Variants in FAM131C observed in about 807,000 individuals in gnomAD.
FAM131C encodes family with sequence similarity 131 member C, also known as protein FAM131C.
In FAM131C, 14 loss-of-function variants were observed where a neutral mutation model predicts 29.8. The observed-to-expected ratio is 0.47, with a 90% CI of 0.31 to 0.73. FAM131C has a LOEUF of 0.73. Ranked by LOEUF, FAM131C falls within the 30% of genes least tolerant of loss-of-function variation. The probability of loss-of-function intolerance (pLI) is 0.05; values close to 1 mark genes in which losing one functional copy is unlikely to be tolerated. For missense variants in FAM131C, 252 were observed against 383.8 expected (o/e 0.66, Z 2.87); for synonymous variants, 86 against 157.8 (o/e 0.54, Z 3.41).
At position 16,058,633 on chromosome 1, in the gene FAM131C, G is replaced by C. The variant is rs1359897503; in HGVS notation, c.647C>G (p.Pro216Arg). The C allele has an allele frequency of 6.3e-7, 1 of 1,593,550 alleles. No individual in the cohort carries two copies. Residue 216 changes from proline to arginine, a missense_variant, in exon 7 of 7, where the codon CCC (proline) becomes CGC (arginine). By Grantham distance (103) the Pro-to-Arg change is moderately radical (BLOSUM62 -2). Around this residue, in one of 6 missense-constraint regions of FAM131C, gnomAD observed 11 missense variants for 76.8 expected, o/e 0.14. Coordinates refer to ENST00000375662, the MANE Select transcript of FAM131C (RefSeq NM_182623.3). The stretch of plus-strand genomic sequence containing the variant: ...AGGTGAGGGACAGCTGTCAGGGGAG[G>C]GGCTGGGCGAGGAGAAGGCCTGAAG... ...DSLQAFSSPSPSPDSCPSPEE... is the reference protein window; with the variant it reads ...DSLQAFSSPSRSPDSCPSPEE...
chr1:16,069,364 T>G (rs1233980677), intron 1 of FAM131C, among the ~76,000 whole-genome samples: 2 of 152,322 alleles, frequency 1.3e-5, no homozygotes, highest in East Asian at 3.9e-4. Context: ...GTAGGACTGC[T>G]CAGGACTTGG....
At chr1:16,067,637 T>C (rs2023697818) in intron 1 of FAM131C, among the ~76,000 whole-genome samples, 1 of 152,198 alleles carries the variant, frequency 6.6e-6, no homozygotes, top group African/African-American at 2.4e-5. Flanking sequence ...CCAGAGCTTC[T>C]CCTCTGCATC....
At chr1:16,060,971 G>A (rs9442233) in intron 4 of FAM131C, among the ~76,000 whole-genome samples, 80,976 of 151,558 alleles carry the variant, frequency 0.53, 22,612 homozygotes, top group African/African-American at 0.63. Flanking sequence ...CGGGGGCTTT[G>A]GGAGTAGAGC....
intron 1 of FAM131C, among the ~76,000 whole-genome samples, chr1:16,065,681 T>A (rs2023673344): frequency 6.6e-6 from 1 of 152,026 alleles, no homozygotes. Context: ...ATCCGAAAAT[T>A]CCCCTTCACT....
At chr1:16,068,872 T>C (rs1317506585) in intron 1 of FAM131C, among the ~76,000 whole-genome samples, 2 of 152,158 alleles carry the variant, frequency 1.3e-5, no homozygotes, top group African/African-American at 4.8e-5. Context: ...CCTGCCCAGA[T>C]TGGCCTCTGC....
At chr1:16,068,717 C>T (rs1009795655) in intron 1 of FAM131C, among the ~76,000 whole-genome samples, 4 of 152,158 alleles carry the variant, frequency 2.6e-5, no homozygotes, top group African/African-American at 7.2e-5. Flanking sequence ...TTTCTCTCCC[C>T]GTGCAAGGAT....
chr1:16,073,471 C>G lies in FAM131C; in HGVS notation c.-29G>C. ...GGGGCCGCGGGGCCGGGCCGCTGCG[C>G]CCGGGGTGCGTGGGGCCGCGGGGCG... On this transcript the variant is annotated 5_prime_UTR_variant, in exon 1 of 7. Coordinates refer to ENST00000375662, the MANE Select transcript of FAM131C (RefSeq NM_182623.3). The G allele has an allele frequency of 8.4e-7, 1 of 1,195,608 alleles. No individual in the cohort carries two copies. The highest frequency in any genetic ancestry group is 1.0e-6 in the Non-Finnish European group (1 of 963,206). 74.1% of individuals were successfully genotyped at this position (1,195,608 alleles called of 1,614,324 possible).
intron 1 of FAM131C, among the ~76,000 whole-genome samples, chr1:16,065,670 G>C (rs756577592): frequency 4.6e-5 from 7 of 152,166 alleles, no homozygotes; most frequent in South Asian, 2.1e-4. Flanking sequence ...TTTTGTCTGG[G>C]ATCCGAAAAT....
intron 1 of FAM131C, among the ~76,000 whole-genome samples, chr1:16,063,857 C>G (rs1317039415): frequency 6.6e-6 from 1 of 151,990 alleles, no homozygotes; most frequent in Non-Finnish European, 1.5e-5. Flanking sequence ...TTTTTACTCC[C>G]TTTTCTCAGT....
At chr1:16,059,771 AT>A in intron 5 of FAM131C, 97 bp downstream of exon 5, 3 of 1,239,934 alleles carry the variant, frequency 2.4e-6, no homozygotes, top group East Asian at 2.5e-5. Flanking sequence ...CTATGCCATT[AT>A]TTTTTCCTGC....
chr1:16,061,711 C>A (rs1031396089), intron 4 of FAM131C, among the ~76,000 whole-genome samples: 1 of 152,054 alleles, frequency 6.6e-6, no homozygotes, highest in African/African-American at 2.4e-5. Context: ...TCCCCCGCTG[C>A]CTGCTGGCTT....
intron 1 of FAM131C, among the ~76,000 whole-genome samples, chr1:16,072,043 ACTC>A (rs1467488276): frequency 2.0e-5 from 3 of 151,838 alleles, no homozygotes; most frequent in Non-Finnish European, 4.4e-5. Context: ...AACCCTCAGC[ACTC>A]CTCACTCTTC....
rs1434098135 is a variant in FAM131C at position 16,073,589 on chromosome 1, A to G, written c.-147T>C. ...GCGCCCTCAGCTCGGCCTCAGCTCCAGCCTGGGTCGTCCCTGCTGCCGCCG... is the reference window on the plus strand; with the variant it reads ...GCGCCCTCAGCTCGGCCTCAGCTCCGGCCTGGGTCGTCCCTGCTGCCGCCG... On this transcript the variant is annotated 5_prime_UTR_variant, in exon 1 of 7. Coordinates refer to ENST00000375662, the MANE Select transcript of FAM131C (RefSeq NM_182623.3). 1.1e-5 allele frequency: 3 copies of G among 280,804 alleles called. No individual in the cohort carries two copies. Among genetic ancestry groups the G allele is most frequent in the Non-Finnish European group, 1.8e-5 (3 of 162,568 alleles). The allele number at this position is 280,804 out of a possible 1,614,324, so 17.4% of individuals were successfully genotyped here.
At chr1:16,065,188 T>C (rs2023665807) in intron 1 of FAM131C, among the ~76,000 whole-genome samples, 1 of 151,048 alleles carries the variant, frequency 6.6e-6, no homozygotes, top group South Asian at 2.1e-4. Flanking sequence ...AAAAGAGGAT[T>C]CCCAATTCCA....
rs1470258745 is a variant in FAM131C, at chr1:16,062,550, A to G, written c.139-16T>C. On this transcript the variant is annotated splice_polypyrimidine_tract_variant and intron_variant, in intron 2 of 6. Transcript: ENST00000375662. ...TCTGTTTGTCCTAAAACAAGAGGAG[A>G]GAGAGGATCAGGCAGGGCCTGGCAC... 3 of 1,569,806 alleles carry G rather than the reference A, an allele frequency of 1.9e-6. No individual in the cohort carries two copies. The highest frequency in any genetic ancestry group is 3.7e-5 in the Admixed American group (2 of 54,160).
chr1:16,067,507 C>A (rs756481301), intron 1 of FAM131C, among the ~76,000 whole-genome samples: 23 of 152,200 alleles, frequency 1.5e-4, no homozygotes, highest in Non-Finnish European at 3.2e-4. Flanking sequence ...CTCCCTCCCC[C>A]ACCTCCTCTG....
chr1:16,060,687 G>A (rs2023580934), intron 4 of FAM131C, among the ~76,000 whole-genome samples: 1 of 152,184 alleles, frequency 6.6e-6, no homozygotes, highest in Non-Finnish European at 1.5e-5. Context: ...TGTCTGGCGT[G>A]AGTCCAGGAT....
intron 2 of FAM131C, among the ~76,000 whole-genome samples, chr1:16,062,941 G>A (rs2023624143): frequency 1.3e-5 from 2 of 152,132 alleles, no homozygotes; most frequent in African/African-American, 2.4e-5. Flanking sequence ...GCAGTGCTTC[G>A]CAGGAGGGGT....
At chr1:16,069,912 C>T (rs779706835) in intron 1 of FAM131C, among the ~76,000 whole-genome samples, 2 of 152,114 alleles carry the variant, frequency 1.3e-5, no homozygotes, top group African/African-American at 2.4e-5. Flanking sequence ...CCAGCACACA[C>T]CACCACAGCT....
Sources: gnomAD v4.1 joint callset for allele counts (sites outside exome capture counted in the v4.1 genomes callset) on GRCh38, gnomAD v4.1.1 for gene constraint, gnomAD v4.1.1 regional missense constraint, MANE v1.5 for transcripts, NCBI Gene and HGNC (gene_info 2026-07-23, HGNC 2026-07-21) for gene names.